The following PDE3A variants were observed in gnomAD, a reference collection of about 807,000 sequenced individuals.
PDE3A encodes the protein phosphodiesterase 3A, also known as cGMP-inhibited 3',5'-cyclic phosphodiesterase 3A.
In PDE3A, 43 loss-of-function variants were observed where a neutral mutation model predicts 98.3. The observed-to-expected ratio is 0.44, with a 90% CI of 0.34 to 0.56. The LOEUF (loss-of-function observed/expected upper bound fraction) is 0.56, where lower values mean the gene tolerates loss of function less well. PDE3A is among the 20% of genes least tolerant of loss of function. PDE3A has a pLI of 0.01. For synonymous variants in PDE3A, 663 were observed against 567.9 expected (o/e 1.17, Z -2.38); for missense variants, 1,427 against 1,440.7 (o/e 0.99, Z 0.15).
At chr12:20,574,578 CATCATT>C (rs1041026901) in intron 2 of PDE3A, among the ~76,000 whole-genome samples, 6 of 150,996 alleles carry the variant, frequency 4.0e-5, no homozygotes, top group African/African-American at 1.5e-4. Context: ...TGATAGCTTT[CATCATT>C]ATCATTATCA....
At chr12:20,526,947 TCAC>T (rs1330826794) in intron 1 of PDE3A, among the ~76,000 whole-genome samples, 1 of 150,636 alleles carries the variant, frequency 6.6e-6, no homozygotes, top group East Asian at 2.0e-4. Flanking sequence ...AGACCAAGTC[TCAC>T]TCTTGTCCCC....
At chr12:20,558,691 A>AAATAATAAT (rs66996145) in intron 2 of PDE3A, among the ~76,000 whole-genome samples, 7,753 of 147,782 alleles carry the variant, frequency 0.052, 255 homozygotes, top group East Asian at 0.14. Flanking sequence ...CCTGCTGACG[A>AAATAATAAT]AATAATAATA....
intron 1 of PDE3A, among the ~76,000 whole-genome samples, chr12:20,415,615 T>C (rs1321591645): frequency 2.0e-5 from 3 of 152,080 alleles, no homozygotes; most frequent in African/African-American, 7.2e-5. Flanking sequence ...TTTTTGTATT[T>C]TAGTAGAGAC....
In PDE3A at chr12:20,680,094, C is replaced by G. The variant is rs1190820626; in HGVS notation, c.3249C>G (p.His1083Gln). The change falls in exon 16 of 16, where the codon CAC (histidine) becomes CAG (glutamine). Residue 1083 changes from histidine to glutamine, a missense_variant. Physicochemically the swap from His to Gln is conservative, Grantham distance 24 (BLOSUM62 0). This residue lies in a region of PDE3A where 142 missense variants were observed against 133.9 expected (regional missense o/e 1.06). Coordinates refer to ENST00000359062, the MANE Select transcript of PDE3A (RefSeq NM_000921.5). ...TAACTCAGCACCTCTTACAGAACCA[C>G]AAGATGTGGAAGAAAGTCATTGAAG... ...CQITQHLLQN[H>Q]KMWKKVIEEE... is the part of the protein sequence containing the mutation. 1.2e-6 allele frequency: 2 copies of G among 1,611,810 alleles called. No homozygotes were observed. The highest frequency in any genetic ancestry group is 2.2e-5 in the South Asian group (2 of 91,032).
chr12:20,420,688 A>G (rs1944497945), intron 1 of PDE3A, among the ~76,000 whole-genome samples: 1 of 152,144 alleles, frequency 6.6e-6, no homozygotes, highest in East Asian at 1.9e-4. Context: ...TTATTGTTGT[A>G]TGGAGCAGAG....
chr12:20,512,519 G>A (rs1014192512), intron 1 of PDE3A, among the ~76,000 whole-genome samples: 1 of 152,078 alleles, frequency 6.6e-6, no homozygotes, highest in African/African-American at 2.4e-5. Flanking sequence ...TTCAGCAGAG[G>A]AATCAGGTAA....
At chr12:20,679,948 T>A in intron 15 of PDE3A, 82 bp from the exon 16 acceptor site, 1 of 742,824 alleles carries the variant, frequency 1.3e-6, no homozygotes, top group Non-Finnish European at 2.1e-6. Context: ...CTCCTCTTAA[T>A]TATCTGAAAA....
intron 1 of PDE3A, among the ~76,000 whole-genome samples, chr12:20,509,342 C>T (rs1055948076): frequency 2.0e-5 from 3 of 150,338 alleles, no homozygotes; most frequent in African/African-American, 7.3e-5. Flanking sequence ...CTTTAGTGTT[C>T]TGGGCTTCTA....
chr12:20,635,193 G>A, intron 8 of PDE3A, 137 bp downstream of exon 8: 1 of 692,288 alleles, frequency 1.4e-6, no homozygotes, highest in African/African-American at 1.8e-5. Context: ...GGACGAAGCG[G>A]GCAGATCACG....
chr12:20,629,494 G>A (rs1487041762), intron 5 of PDE3A, among the ~76,000 whole-genome samples: 4 of 152,094 alleles, frequency 2.6e-5, no homozygotes, highest in Admixed American at 2.0e-4. Context: ...ACTGGTTAAC[G>A]TTTAAAACAA....
intron 1 of PDE3A, among the ~76,000 whole-genome samples, chr12:20,519,380 A>G (rs1946380830): frequency 6.6e-6 from 1 of 152,170 alleles, no homozygotes; most frequent in Admixed American, 6.6e-5. Flanking sequence ...TATGTCTACA[A>G]TGCTTGGTAT....
At chr12:20,410,217 T>G (rs963409887) in intron 1 of PDE3A, among the ~76,000 whole-genome samples, 4 of 152,198 alleles carry the variant, frequency 2.6e-5, no homozygotes, top group Non-Finnish European at 5.9e-5. Context: ...TTTGTAGCCA[T>G]CCTCAGGGAA....
intron 1 of PDE3A, among the ~76,000 whole-genome samples, chr12:20,418,813 T>C (rs1944465188): frequency 1.3e-5 from 2 of 152,178 alleles, no homozygotes; most frequent in Non-Finnish European, 2.9e-5. Flanking sequence ...TATTATATAT[T>C]GATTAGTGTT....
At chr12:20,661,362 A>G (rs1053329338) in intron 15 of PDE3A, among the ~76,000 whole-genome samples, 4 of 152,210 alleles carry the variant, frequency 2.6e-5, no homozygotes, top group Admixed American at 1.3e-4. Context: ...AGAAAATCCC[A>G]TTTTGTGAGG....
intron 2 of PDE3A, among the ~76,000 whole-genome samples, chr12:20,596,852 C>T (rs571252313): frequency 6.6e-6 from 1 of 151,970 alleles, no homozygotes. Flanking sequence ...TACTTAGGCT[C>T]TCATTAATTG....
chr12:20,501,869 T>C (rs2121085362), intron 1 of PDE3A, among the ~76,000 whole-genome samples: 1 of 152,270 alleles, frequency 6.6e-6, no homozygotes, highest in African/African-American at 2.4e-5. Context: ...ATTCCAGTCT[T>C]ATGCTAAATA....
intron 1 of PDE3A, among the ~76,000 whole-genome samples, chr12:20,452,151 T>C (rs1342878130): frequency 6.6e-6 from 1 of 152,222 alleles, no homozygotes; most frequent in Non-Finnish European, 1.5e-5. Context: ...AATTGTGTCA[T>C]TCCTCTGCAT....
chr12:20,645,182 C>T (rs558692210), intron 10 of PDE3A, among the ~76,000 whole-genome samples: 7 of 152,196 alleles, frequency 4.6e-5, no homozygotes, highest in African/African-American at 1.4e-4. Flanking sequence ...AGCCACTGCA[C>T]CTGGCCAGAG....
chr12:20,490,352 C>T lies in PDE3A; in HGVS notation c.961-66308C>T, dbSNP rs563692411. Reference sequence around the variant, plus strand: ...CTTGAATATTTGGAAAGGACACATACATTCCAAAGTGTCTAGTGATGAGGC... The same window carrying T: ...CTTGAATATTTGGAAAGGACACATATATTCCAAAGTGTCTAGTGATGAGGC... On this transcript the variant is annotated intron_variant, in intron 1 of 15. Coordinates refer to ENST00000359062, the MANE Select transcript of PDE3A (RefSeq NM_000921.5). Among the ~76,000 whole-genome samples the T allele has an allele frequency of 2.0e-5, 3 of 152,302 alleles. No homozygotes were observed. The South Asian group carries it at 6.2e-4, about 32-fold the overall frequency.
Sources: gnomAD v4.1 joint callset for allele counts (sites outside exome capture counted in the v4.1 genomes callset) on GRCh38, gnomAD v4.1.1 for gene constraint, gnomAD v4.1.1 regional missense constraint, MANE v1.5 for transcripts, NCBI Gene and HGNC (gene_info 2026-07-23, HGNC 2026-07-21) for gene names.